The following PRH1 variants were observed in gnomAD, a reference collection of about 807,000 sequenced individuals.
The protein encoded by PRH1 is proline rich protein HaeIII subfamily 1.
A neutral mutation model predicts 7.9 loss-of-function variants in PRH1; 7 were observed. The ratio of observed to expected loss-of-function variants is 0.89; its 90% confidence interval spans 0.50 to 1.67. The LOEUF (loss-of-function observed/expected upper bound fraction) is 1.67. Among genes scored for constraint, PRH1 ranks in the 40% most tolerant of loss-of-function variants. PRH1 has a pLI of 0.00. For synonymous variants in PRH1, 45 were observed against 80.8 expected (o/e 0.56, Z 2.38); for missense variants, 109 against 223.6 (o/e 0.49, Z 3.27).
At chr12:10,969,898 C>G (rs532674854) in intron 2 of PRH1, among the ~76,000 whole-genome samples, 4 of 152,140 alleles carry the variant, frequency 2.6e-5, no homozygotes, top group African/African-American at 4.8e-5. Context: ...CTCCCAGGTT[C>G]AAGCAATTCT....
chr12:10,888,356 A>G (rs990584813), upstream of PRH1, among the ~76,000 whole-genome samples: 6 of 152,198 alleles, frequency 3.9e-5, no homozygotes, highest in Non-Finnish European at 5.9e-5. Context: ...ATCTTCATAG[A>G]ACACACAGGA....
At chr12:11,027,114 A>C (rs1177183035) in intron 1 of PRH1, among the ~76,000 whole-genome samples, 1 of 151,884 alleles carries the variant, frequency 6.6e-6, no homozygotes, top group East Asian at 1.9e-4. Flanking sequence ...AAAATACAAA[A>C]ATTAGCCAGG....
At chr12:11,171,189 CCCGGGGCTACGCG>C in intron 1 of PRH1, 1 of 407,752 alleles carries the variant, frequency 2.5e-6, no homozygotes, top group East Asian at 3.6e-5. Context: ...GCCAGCGGCG[CCCGGGGCTACGCG>C]CCGCACTGCA....
At chr12:10,899,777 A>G (rs1949698882) in intron 2 of PRH1, among the ~76,000 whole-genome samples, 1 of 152,172 alleles carries the variant, frequency 6.6e-6, no homozygotes. Flanking sequence ...ACCAACACAA[A>G]CAGACCAAGA....
intron 1 of PRH1, among the ~76,000 whole-genome samples, chr12:11,155,687 A>G (rs551373071): frequency 5.3e-5 from 8 of 152,210 alleles, no homozygotes; most frequent in Non-Finnish European, 1.0e-4. Flanking sequence ...CATGTGGTTC[A>G]TTGCTTTCAA....
At chr12:11,012,922 G>T (rs969568398) in intron 1 of PRH1, among the ~76,000 whole-genome samples, 2 of 152,158 alleles carry the variant, frequency 1.3e-5, no homozygotes, top group Non-Finnish European at 2.9e-5. Context: ...CAACAACTAG[G>T]ATAAGAGTAA....
Position 11,087,024 on chromosome 12 carries a change from G to A in PRH1, n.124-39836C>T, listed in dbSNP as rs1944729726. 2.9e-5 allele frequency among the ~76,000 whole-genome samples: 3 copies of A among 104,424 alleles called. 1 individual carries two copies. The South Asian group carries it at 7.8e-4, about 27-fold the overall frequency. 68.5% of individuals were successfully genotyped at this position (104,424 alleles called of 152,430 possible). A position where few individuals can be genotyped will look rare whatever the true frequency, so the allele number is the denominator to read the frequency against. ...CTACTTTCAAGTTTACCTCTTATAG[G>A]CAGGAACCAAAGATTGTTCATTATC... On this transcript the variant is annotated intron_variant and non_coding_transcript_variant, in intron 1 of 4. Coordinates refer to the PRH1 transcript ENST00000541977.
intron 2 of PRH1, among the ~76,000 whole-genome samples, chr12:10,957,898 A>C (rs573002890): frequency 7.9e-5 from 12 of 152,206 alleles, no homozygotes; most frequent in African/African-American, 2.9e-4. Flanking sequence ...TATTACTAAA[A>C]CCCCCAAAAA....
chr12:11,085,838 T>A (rs117831752), intron 1 of PRH1, among the ~76,000 whole-genome samples: 7,129 of 65,860 alleles, frequency 0.11, 363 homozygotes, highest in Non-Finnish European at 0.15. Flanking sequence ...TGTCGGTTGT[T>A]AGGGAAATTT....
At chr12:11,033,462 TCTC>T (rs1565575929) in intron 1 of PRH1, among the ~76,000 whole-genome samples, 1 of 152,148 alleles carries the variant, frequency 6.6e-6, no homozygotes. Flanking sequence ...TGAAGGGTCT[TCTC>T]CTGCAGAGAA....
chr12:10,932,403 C>T, intron 2 of PRH1: 1 of 218,960 alleles, frequency 4.6e-6, no homozygotes, highest in East Asian at 9.2e-5. Flanking sequence ...CATCCAGGAC[C>T]CCTTCTCCTT....
At chr12:11,020,737 C>T (rs1490114653) in intron 1 of PRH1, among the ~76,000 whole-genome samples, 3 of 142,958 alleles carry the variant, frequency 2.1e-5, no homozygotes, top group African/African-American at 7.7e-5. Flanking sequence ...TTTCTATACC[C>T]TCCTTTGATT....
chr12:10,939,092 C>T, intron 2 of PRH1: 2 of 1,613,980 alleles, frequency 1.2e-6, no homozygotes, highest in East Asian at 4.5e-5. Context: ...AGAGATCTTT[C>T]TTCCCTTGAC....
intron 1 of PRH1, among the ~76,000 whole-genome samples, chr12:11,019,025 T>C (rs1941448944): frequency 6.9e-6 from 1 of 145,958 alleles, no homozygotes; most frequent in South Asian, 2.3e-4. Context: ...AAACTATCTC[T>C]TAGAAAAATG....
chr12:10,914,649 C>T (rs1237911103), intron 2 of PRH1, among the ~76,000 whole-genome samples: 1 of 152,180 alleles, frequency 6.6e-6, no homozygotes, highest in African/African-American at 2.4e-5. Context: ...TCATGGCCTT[C>T]TCCAGCTCCA....
intron 2 of PRH1, among the ~76,000 whole-genome samples, chr12:10,962,680 T>G (rs905420323): frequency 6.6e-6 from 1 of 152,154 alleles, no homozygotes; most frequent in Non-Finnish European, 1.5e-5. Context: ...ACTCATTTGT[T>G]CTTCAAAATA....
chr12:11,037,410 G>T (rs544407085), intron 1 of PRH1, among the ~76,000 whole-genome samples: 1 of 152,144 alleles, frequency 6.6e-6, no homozygotes, highest in East Asian at 1.9e-4. Flanking sequence ...CTAATGTAGA[G>T]CCAAAAAATT....
chr12:10,928,711 C>T (rs774069469), intron 2 of PRH1, among the ~76,000 whole-genome samples: 34 of 152,114 alleles, frequency 2.2e-4, no homozygotes, highest in Admixed American at 8.5e-4. Context: ...ACACAACTCA[C>T]GGATAAGCAG....
At chr12:11,037,534 ATATT>A (rs766778568) in intron 1 of PRH1, among the ~76,000 whole-genome samples, 3 of 152,344 alleles carry the variant, frequency 2.0e-5, no homozygotes, top group East Asian at 1.9e-4. Flanking sequence ...ATTTTTGGAT[ATATT>A]TATTTAATTT....
Sources: gnomAD v4.1 joint callset for allele counts (sites outside exome capture counted in the v4.1 genomes callset) on GRCh38, gnomAD v4.1.1 for gene constraint, MANE v1.5 for transcripts, NCBI Gene and HGNC (gene_info 2026-07-23, HGNC 2026-07-21) for gene names.